MPV17: variants seen among roughly 807,000 people sequenced by gnomAD.
MPV17 encodes MPV17, mitochondrial inner membrane protein.
A neutral mutation model predicts 28.6 loss-of-function variants in MPV17; 31 were observed. The ratio of observed to expected loss-of-function variants is 1.08; its 90% confidence interval spans 0.81 to 1.46. MPV17 has a LOEUF of 1.46. MPV17 is among the 40% of genes most tolerant of loss of function. The pLI, the probability that MPV17 is intolerant of heterozygous loss-of-function variation, is 0.00. For synonymous variants in MPV17, 87 were observed against 85.3 expected, an observed-to-expected ratio of 1.02 and a Z score of -0.11; for missense variants, 198 against 216.2, an observed-to-expected ratio of 0.92 and a Z score of 0.53.
rs1472353764 is a variant in MPV17, at chr2:27,309,840, TGAG to T, written c.*69_*71del. ...CCCGTGGAAACTGGTATGCCCACTT[TGAG>T]GAGGTTGTCTGACCGTTCCAGGGTC... On this transcript the variant is annotated 3_prime_UTR_variant, in exon 8 of 8. Coordinates refer to ENST00000380044, the MANE Select transcript of MPV17 (RefSeq NM_002437.5). The T allele has an allele frequency of 1.5e-6, 2 of 1,321,186 alleles. No homozygotes were observed. The highest frequency in any genetic ancestry group is 2.2e-6 in the Non-Finnish European group (2 of 916,598). The allele number at this position is 1,321,186 out of a possible 1,614,324, so 81.8% of individuals were successfully genotyped here.
At chr2:27,311,087 C>A (rs1679423156) in intron 7 of MPV17, 1 of 110,962 alleles carries the variant, frequency 9.0e-6, no homozygotes, top group African/African-American at 3.5e-5. Context: ...ACAGGGTCGT[C>A]TCACTCTGTC....
intron 2 of MPV17, among the ~76,000 whole-genome samples, chr2:27,315,018 T>C (rs1679599318): frequency 6.6e-6 from 1 of 152,156 alleles, no homozygotes; most frequent in Admixed American, 6.5e-5. Context: ...GCACCCCCAG[T>C]CCTGCCTCGT....
intron 2 of MPV17, among the ~76,000 whole-genome samples, chr2:27,321,221 C>A (rs1349796621): frequency 2.6e-5 from 4 of 152,220 alleles, no homozygotes; most frequent in African/African-American, 9.6e-5. Flanking sequence ...GGGCAAAGGG[C>A]CCAGCGTGTC....
chr2:27,318,390 C>T (rs1004338141), intron 2 of MPV17, among the ~76,000 whole-genome samples: 17 of 151,588 alleles, frequency 1.1e-4, no homozygotes, highest in Non-Finnish European at 2.2e-4. Context: ...TGGAGTCTCG[C>T]TCTGTCGTCC....
chr2:27,312,215 T>C lies in MPV17; in HGVS notation c.407A>G (p.Tyr136Cys), dbSNP rs374692755. 2.3e-5 allele frequency: 37 copies of C among 1,613,790 alleles called. No homozygotes were observed. The African/African-American group carries it at 3.2e-4, about 14-fold the overall frequency. The change falls in exon 6 of 8, where the codon TAT becomes TGT. Residue 136 changes from tyrosine (Y) to cysteine (C), a missense_variant and splice_region_variant. Physicochemically the swap from Tyr to Cys is radical, Grantham distance 194. Coordinates refer to ENST00000380044, the MANE Select transcript of MPV17 (RefSeq NM_002437.5). ...DYPDALITNY[Y>C]LWPAVQLANF... ...AGCAGTTGAGGTGTCAGCTCTTACA[T>C]AGTAGTTGGTGATAAGGGCATCAGG...
At chr2:27,313,900 T>C (rs926443583) in intron 2 of MPV17, among the ~76,000 whole-genome samples, 40 of 152,232 alleles carry the variant, frequency 2.6e-4, no homozygotes, top group Admixed American at 2.0e-3. Context: ...TTAGTAGAGA[T>C]GGGGTTTTGC....
intron 2 of MPV17, among the ~76,000 whole-genome samples, chr2:27,318,297 C>T (rs928495697): frequency 6.6e-6 from 1 of 151,942 alleles, no homozygotes; most frequent in Admixed American, 6.6e-5. Flanking sequence ...GAACTCCTGA[C>T]CTCAGGTTAT....
chr2:27,316,436 C>T lies in MPV17; in HGVS notation c.71-3327G>A, dbSNP rs575959866. Among the ~76,000 whole-genome samples the T allele has an allele frequency of 7.2e-5, 11 of 152,212 alleles. No individual in the cohort carries two copies. The South Asian group carries it at 2.3e-3, about 32-fold the overall frequency. On this transcript the variant is annotated intron_variant, in intron 2 of 7. Coordinates refer to ENST00000380044, the MANE Select transcript of MPV17 (RefSeq NM_002437.5). ...TGGTATGTAGATCTGCAGTCCCTGACGGTTCATTTCAGAAGAGTGGTGCCC... is the reference window on the plus strand; with the variant it reads ...TGGTATGTAGATCTGCAGTCCCTGATGGTTCATTTCAGAAGAGTGGTGCCC...
At chr2:27,316,802 G>A in intron 2 of MPV17, 1 of 391,516 alleles carries the variant, frequency 2.6e-6, no homozygotes. Flanking sequence ...GCAGGGCTAG[G>A]GGCTGCTGGG....
At chr2:27,316,020 C>A (rs2148219269) in intron 2 of MPV17, 2 of 1,545,860 alleles carry the variant, frequency 1.3e-6, no homozygotes, top group Non-Finnish European at 1.7e-6. Context: ...ACCAGGAGGC[C>A]CCTGTGGCTG....
At chr2:27,320,375 T>C (rs1679813602) in intron 2 of MPV17, among the ~76,000 whole-genome samples, 1 of 151,948 alleles carries the variant, frequency 6.6e-6, no homozygotes, top group Non-Finnish European at 1.5e-5. Context: ...TCGCTCTTGT[T>C]GCCCAGGCTG....
chr2:27,320,538 G>A (rs1442305975), intron 2 of MPV17, among the ~76,000 whole-genome samples: 1 of 152,068 alleles, frequency 6.6e-6, no homozygotes, highest in African/African-American at 2.4e-5. Flanking sequence ...GTTTCACCGT[G>A]TTAGCCAGGT....
chr2:27,316,054 C>A (rs1679637917), intron 2 of MPV17: 3 of 1,549,786 alleles, frequency 1.9e-6, no homozygotes. Context: ...TGTTCCTGCC[C>A]AAGTGAGGCC....
At chr2:27,322,706 G>C in intron 1 of MPV17, 184 bp from the exon 2 acceptor site, 1 of 616,534 alleles carries the variant, frequency 1.6e-6, no homozygotes, top group Non-Finnish European at 2.9e-6. Context: ...TTAGACAATT[G>C]GGGAAGAGAG....
chr2:27,321,894 C>T (rs1679873300), intron 2 of MPV17: 1 of 154,610 alleles, frequency 6.5e-6, no homozygotes, highest in Admixed American at 6.3e-5. Context: ...CGGAGAGGCA[C>T]TCAAGAGGTC....
Position 27,322,525 on chromosome 2 carries a change from G to A in MPV17, c.-5-3C>T, listed in dbSNP as rs774745446. The A allele has an allele frequency of 6.2e-7, 1 of 1,613,774 alleles. No individual in the cohort carries two copies. Among genetic ancestry groups the A allele is most frequent in the South Asian group, 1.1e-5 (1 of 91,082 alleles). ...TGCCCGCCAGAGTGCCATGCTTCCT[G>A]TCAAGCCAAGAGGAGAGGGGGTCAC... On this transcript the variant is annotated splice_region_variant and splice_polypyrimidine_tract_variant and intron_variant, in intron 1 of 7. Transcript: ENST00000380044.
At chr2:27,316,930 G>A (rs1558602647) in intron 2 of MPV17, 4 of 727,854 alleles carry the variant, frequency 5.5e-6, no homozygotes, top group Non-Finnish European at 6.7e-6. Context: ...AACAGATCCA[G>A]CGGCCAGGGG....
chr2:27,319,535 AAAT>A (rs560509565), intron 2 of MPV17, among the ~76,000 whole-genome samples: 1 of 145,820 alleles, frequency 6.9e-6, no homozygotes. Flanking sequence ...ACCCCGTCTC[AAAT>A]AATAATAATA....
At position 27,309,509 on chromosome 2, in the gene MPV17, A is replaced by C; in HGVS notation, c.*403T>G. ...ACTGCAGATTCCGGATTACATATTT[A>C]ATAACATATTTACTGAGGCACCATA... On this transcript the variant is annotated 3_prime_UTR_variant, in exon 8 of 8. Transcript: ENST00000380044. The C allele has an allele frequency of 6.3e-6, 2 of 316,372 alleles. No homozygotes were observed. Among genetic ancestry groups the C allele is most frequent in the Non-Finnish European group, 1.2e-5 (2 of 170,868 alleles). 19.6% of individuals were successfully genotyped at this position (316,372 alleles called of 1,614,324 possible).
Sources: gnomAD v4.1 joint callset for allele counts (sites outside exome capture counted in the v4.1 genomes callset) on GRCh38, gnomAD v4.1.1 for gene constraint, MANE v1.5 for transcripts, NCBI Gene and HGNC (gene_info 2026-07-23, HGNC 2026-07-21) for gene names.